TPRA1: variants seen among roughly 807,000 people sequenced by gnomAD.
TPRA1 encodes transmembrane protein adipocyte-associated 1.
A neutral mutation model predicts 40.1 loss-of-function variants in TPRA1; 28 were observed. The ratio of observed to expected loss-of-function variants is 0.70; its 90% CI spans 0.52 to 0.96. The LOEUF (loss-of-function observed/expected upper bound fraction) is 0.96, where lower values mean the gene tolerates loss of function less well. Ranked by LOEUF, TPRA1 falls within the 40% of genes least tolerant of loss-of-function variation. TPRA1 has a pLI of 0.00. For missense variants in TPRA1, 441 were observed against 482.6 expected (o/e 0.91, Z 0.81); for synonymous variants, 219 against 209.7 (o/e 1.04, Z -0.38).
Position 127,573,455 on chromosome 3 carries a change from C to CCCTGGGGA in TPRA1, c.*58_*65dup. 6.5e-7 allele frequency: 1 copy of CCCTGGGGA among 1,541,798 alleles called. No individual in the cohort carries two copies. Among genetic ancestry groups the CCCTGGGGA allele is most frequent in the South Asian group, 1.2e-5 (1 of 81,636 alleles). The stretch of plus-strand genomic sequence containing the variant: ...AACGTCCCTTGACCTGGTCCTCCTC[C>CCCTGGGGA]CCTGGGGACTCTGGGCCTGCTGGCC... On this transcript the variant is annotated 3_prime_UTR_variant, in exon 11 of 11. Transcript: ENST00000355552.
chr3:127,592,385 T>TG (rs1250151920), upstream of TPRA1, among the ~76,000 whole-genome samples: 1 of 142,242 alleles, frequency 7.0e-6, no homozygotes, highest in East Asian at 2.1e-4. Flanking sequence ...TTTTTTTTTT[T>TG]TTTTTTTTTT....
chr3:127,589,336 G>A (rs1021402945), intron 1 of TPRA1, among the ~76,000 whole-genome samples: 3 of 151,800 alleles, frequency 2.0e-5, no homozygotes, highest in African/African-American at 4.8e-5. Flanking sequence ...CACAGCTACC[G>A]GATAGGAAAC....
chr3:127,592,749 C>A (rs2074200497), upstream of TPRA1, among the ~76,000 whole-genome samples: 1 of 152,208 alleles, frequency 6.6e-6, no homozygotes, highest in South Asian at 2.1e-4. Flanking sequence ...GCATCAGCCC[C>A]AAGTGAGGAC....
At chr3:127,591,842 G>C (rs917262087), upstream of TPRA1, 5 of 152,158 alleles carry the variant, frequency 3.3e-5, no homozygotes, top group African/African-American at 1.2e-4. Flanking sequence ...TCAGAGCCTC[G>C]TGCAGATTGT....
In TPRA1 at chr3:127,579,762, A is replaced by G. The variant is rs768982863; in HGVS notation, c.236T>C (p.Ile79Thr). Residue 79 changes from isoleucine (I) to threonine (T), a missense_variant, in exon 3 of 11, where the codon ATT becomes ACT. Coordinates refer to ENST00000355552, the MANE Select transcript of TPRA1 (RefSeq NM_001136053.4). ...CACCAGGATGTAGAAGGTGATAAAA[A>G]TGGGGCTGGAGGTGATGCGGATCTT... ...RAKIRITSSP[I>T]FITFYILVFV... is the part of the protein sequence containing the mutation. The G allele has an allele frequency of 6.2e-7, 1 of 1,614,172 alleles. No individual in the cohort carries two copies. The highest frequency in any genetic ancestry group is 1.1e-5 in the South Asian group (1 of 91,080).
At chr3:127,594,382 T>C (rs562322864), upstream of TPRA1, among the ~76,000 whole-genome samples, 43 of 152,212 alleles carry the variant, frequency 2.8e-4, no homozygotes, top group Non-Finnish European at 5.1e-4. Flanking sequence ...TGGGAAGATA[T>C]GCTGTGTGAA....
Position 127,575,210 on chromosome 3 carries a change from CGTA to C in TPRA1, c.826_828del (p.Tyr276del). 6.2e-7 allele frequency: 1 copy of C among 1,613,934 alleles called. No individual in the cohort carries two copies. Among genetic ancestry groups the C allele is most frequent in the Admixed American group, 1.7e-5 (1 of 60,006 alleles). On this transcript the variant is annotated inframe_deletion, in exon 10 of 11. Coordinates refer to ENST00000355552, the MANE Select transcript of TPRA1 (RefSeq NM_001136053.4). ...CCGAAGAAGCCCCGGAGGAAAGCCACGTAGATGAGCGGAGCGAAGAAGCTGAAG... is the reference window on the plus strand; with the variant it reads ...CCGAAGAAGCCCCGGAGGAAAGCCACGATGAGCGGAGCGAAGAAGCTGAAG...
At chr3:127,574,399 G>T (rs550994910) in intron 10 of TPRA1, among the ~76,000 whole-genome samples, 1 of 152,194 alleles carries the variant, frequency 6.6e-6, no homozygotes, top group Admixed American at 6.5e-5. Context: ...CCCACATTCC[G>T]ACCACATTAA....
At chr3:127,589,224 C>T (rs975109997) in intron 1 of TPRA1, among the ~76,000 whole-genome samples, 4 of 149,866 alleles carry the variant, frequency 2.7e-5, no homozygotes, top group Non-Finnish European at 5.9e-5. Context: ...TCACGCAATG[C>T]AGGACCCGCT....
chr3:127,573,892 C>A, intron 10 of TPRA1, 104 bp from the exon 11 acceptor site: 7 of 1,408,426 alleles, frequency 5.0e-6, no homozygotes, highest in Non-Finnish European at 6.6e-6. Flanking sequence ...AATTGACCAA[C>A]AGTCGCCTGA....
upstream of TPRA1, chr3:127,595,618 C>G (rs1431904460): frequency 6.6e-6 from 1 of 152,358 alleles, no homozygotes; most frequent in Non-Finnish European, 1.5e-5. Context: ...TTTGGGAGGG[C>G]TCCTGATAAT....
chr3:127,593,078 A>G (rs1250000254), upstream of TPRA1, among the ~76,000 whole-genome samples: 1 of 152,138 alleles, frequency 6.6e-6, no homozygotes, highest in African/African-American at 2.4e-5. Context: ...TTGAGTTTTG[A>G]ACCCCATATC....
At chr3:127,588,415 TGAC>T (rs2074065859) in intron 1 of TPRA1, among the ~76,000 whole-genome samples, 1 of 147,988 alleles carries the variant, frequency 6.8e-6, no homozygotes, top group Admixed American at 6.7e-5. Flanking sequence ...ACTGAAGCAC[TGAC>T]TTTTTTTTTT....
intron 3 of TPRA1, among the ~76,000 whole-genome samples, chr3:127,578,334 T>G (rs769630501): frequency 6.6e-6 from 1 of 152,216 alleles, no homozygotes; most frequent in African/African-American, 2.4e-5. Flanking sequence ...ACATCTGTTA[T>G]GCAGAAGGGC....
Position 127,576,963 on chromosome 3 carries a change from G to C in TPRA1, c.345+27C>G. ...AGCCCACCCCAGGCCAGGCCTCCCT[G>C]GCCTCCCTCAGAGGGCCCAGCCGCA... On this transcript the variant is annotated intron_variant, in intron 4 of 10. Coordinates refer to ENST00000355552, the MANE Select transcript of TPRA1 (RefSeq NM_001136053.4). This position sits in a 1 kb window ranked among gnomAD's most constrained non-coding sequence, Gnocchi z 4.6. 1 of 1,613,590 alleles carries C rather than the reference G, an allele frequency of 6.2e-7. No homozygotes were observed. Among genetic ancestry groups the C allele is most frequent in the Non-Finnish European group, 8.5e-7 (1 of 1,179,916 alleles).
chr3:127,574,704 A>G (rs1009786724), intron 10 of TPRA1, among the ~76,000 whole-genome samples: 3 of 152,230 alleles, frequency 2.0e-5, no homozygotes, highest in African/African-American at 7.2e-5. Flanking sequence ...AAAACCAGCA[A>G]TGTAGAACAC....
At chr3:127,598,222 A>C (rs1224462748), upstream of TPRA1, 5 of 595,112 alleles carry the variant, frequency 8.4e-6, no homozygotes, top group African/African-American at 1.9e-5. Flanking sequence ...ACCACAGCGC[A>C]GGCGAGCGCA....
At chr3:127,591,314 A>G (rs1409289090), upstream of TPRA1, among the ~76,000 whole-genome samples, 2 of 152,222 alleles carry the variant, frequency 1.3e-5, no homozygotes, top group African/African-American at 4.8e-5. Context: ...CAACCCTGCT[A>G]GGCAGTCATT....
chr3:127,591,862 GTTATTA>G (rs1403569715), upstream of TPRA1: 2 of 152,210 alleles, frequency 1.3e-5, no homozygotes, highest in Non-Finnish European at 2.9e-5. Context: ...TAGGCACTCA[GTTATTA>G]CAGGCACCCC....
Sources: gnomAD v4.1 joint callset for allele counts (sites outside exome capture counted in the v4.1 genomes callset) on GRCh38, gnomAD v4.1.1 for gene constraint, Gnocchi (gnomAD v3.1) non-coding constraint, MANE v1.5 for transcripts, NCBI Gene and HGNC (gene_info 2026-07-23, HGNC 2026-07-21) for gene names.